Variants in PRKCE observed in about 807,000 individuals in gnomAD.
The protein encoded by PRKCE is protein kinase C epsilon, also known as protein kinase C epsilon type.
PRKCE carries 16 observed loss-of-function variants against 85.4 expected under a neutral mutation model. The ratio of observed to expected loss-of-function variants is 0.19; its 90% CI spans 0.13 to 0.28. The LOEUF is 0.28. Among genes scored for constraint, PRKCE ranks in the 10% least tolerant of loss-of-function variants. The pLI, the probability that PRKCE is intolerant of heterozygous loss-of-function variation, is 1.00. For synonymous variants in PRKCE, 388 were observed against 371.5 expected (o/e 1.04, Z -0.51); for missense variants, 573 against 975.2 (o/e 0.59, Z 5.49).
At chr2:45,657,623 A>G (rs1293826987) in intron 1 of PRKCE, among the ~76,000 whole-genome samples, 1 of 152,176 alleles carries the variant, frequency 6.6e-6, no homozygotes, top group Non-Finnish European at 1.5e-5. Flanking sequence ...CATATTCTCC[A>G]AAGTAGCTCT....
At chr2:45,719,773 A>G (rs1378761313) in intron 1 of PRKCE, among the ~76,000 whole-genome samples, 1 of 152,184 alleles carries the variant, frequency 6.6e-6, no homozygotes, top group Non-Finnish European at 1.5e-5. Context: ...TAAAATACCC[A>G]GACTGGCCAA....
At chr2:45,971,593 A>G (rs949627032) in intron 2 of PRKCE, among the ~76,000 whole-genome samples, 9 of 152,240 alleles carry the variant, frequency 5.9e-5, no homozygotes, top group Admixed American at 5.2e-4. Context: ...GTCTTAGTGT[A>G]AGTGTAAGAG....
intron 1 of PRKCE, among the ~76,000 whole-genome samples, chr2:45,751,611 G>A (rs1243382106): frequency 2.0e-5 from 3 of 151,902 alleles, no homozygotes; most frequent in Non-Finnish European, 2.9e-5. Flanking sequence ...CAAATCCTCC[G>A]CAGCTTTTAG....
In PRKCE at chr2:46,159,864, T is replaced by G. The variant is rs551899766; in HGVS notation, c.2067+112T>G. 1,283 of 1,400,874 alleles carry G rather than the reference T, an allele frequency of 9.2e-4. 1 individual carries two copies. The highest frequency in any genetic ancestry group is 1.2e-3 in the Non-Finnish European group (1,218 of 1,032,124). The allele number at this position is 1,400,874 out of a possible 1,614,324, so 86.8% of individuals were successfully genotyped here. A position where few individuals can be genotyped will look rare whatever the true frequency, so the allele number is the denominator to read the frequency against. ...CAGGGGATGCGTATTACAGTAAAAA[T>G]GACAAAGACCAGAGGTGGCTGAGGC... On this transcript the variant is annotated intron_variant, in intron 14 of 14. Transcript: ENST00000306156. This position sits in a 1 kb window ranked among gnomAD's most constrained non-coding sequence, Gnocchi z 4.1.
chr2:46,045,270 T>C (rs1708451352), intron 10 of PRKCE, among the ~76,000 whole-genome samples: 1 of 152,230 alleles, frequency 6.6e-6, no homozygotes, highest in Admixed American at 6.5e-5. Context: ...TGTGAATAAG[T>C]TGGCCATGTA....
At chr2:46,019,414 TA>T (rs1017668319) in intron 10 of PRKCE, among the ~76,000 whole-genome samples, 56 of 152,338 alleles carry the variant, frequency 3.7e-4, no homozygotes, top group African/African-American at 1.3e-3. Flanking sequence ...CACCCTGAGC[TA>T]CCAGGAGAGG....
At chr2:45,996,666 C>G (rs1435787889) in intron 6 of PRKCE, among the ~76,000 whole-genome samples, 3 of 152,066 alleles carry the variant, frequency 2.0e-5, no homozygotes, top group African/African-American at 7.2e-5. Flanking sequence ...GTTGAACCAG[C>G]CTTGCTTGCC....
At chr2:46,092,354 C>G (rs1670249048) in intron 11 of PRKCE, among the ~76,000 whole-genome samples, 1 of 152,192 alleles carries the variant, frequency 6.6e-6, no homozygotes, top group Non-Finnish European at 1.5e-5. Context: ...GCCTTTTGAT[C>G]TCTAATGAGC....
chr2:46,050,614 G>T (rs576490853), intron 10 of PRKCE, among the ~76,000 whole-genome samples: 3 of 152,092 alleles, frequency 2.0e-5, no homozygotes, highest in Non-Finnish European at 4.4e-5. Flanking sequence ...TCTGTTTCCC[G>T]CTCTGTCCTG....
chr2:45,865,272 A>G (rs1403950309), intron 2 of PRKCE, among the ~76,000 whole-genome samples: 1 of 152,180 alleles, frequency 6.6e-6, no homozygotes, highest in Non-Finnish European at 1.5e-5. Flanking sequence ...ACCTATTTTA[A>G]TCACATGAGG....
At chr2:46,135,454 A>G (rs1264639825) in intron 11 of PRKCE, among the ~76,000 whole-genome samples, 1 of 152,178 alleles carries the variant, frequency 6.6e-6, no homozygotes. Flanking sequence ...CTTTTTCCTC[A>G]TCTAGCAGGT....
intron 6 of PRKCE, among the ~76,000 whole-genome samples, chr2:45,989,109 C>T (rs954890303): frequency 6.6e-6 from 1 of 152,218 alleles, no homozygotes; most frequent in African/African-American, 2.4e-5. Context: ...CCTGACGGAG[C>T]CTGCAGTTGG....
intron 2 of PRKCE, among the ~76,000 whole-genome samples, chr2:45,884,497 A>G (rs1189106074): frequency 2.0e-5 from 3 of 152,116 alleles, no homozygotes; most frequent in African/African-American, 4.8e-5. Flanking sequence ...CTCCATTTCT[A>G]CGGAGGTAAA....
At chr2:45,801,008 A>G (rs1573409033) in intron 1 of PRKCE, among the ~76,000 whole-genome samples, 1 of 152,134 alleles carries the variant, frequency 6.6e-6, no homozygotes, top group South Asian at 2.1e-4. Flanking sequence ...GTCTCAGAAG[A>G]TGGGTAAGAA....
At chr2:46,049,601 G>A (rs970658218) in intron 10 of PRKCE, among the ~76,000 whole-genome samples, 22 of 152,158 alleles carry the variant, frequency 1.4e-4, no homozygotes, top group East Asian at 3.9e-4. Flanking sequence ...TGTAATACCC[G>A]CTGCAGGAAA....
At chr2:46,182,948 C>A (rs1680143840) in intron 14 of PRKCE, among the ~76,000 whole-genome samples, 2 of 152,202 alleles carry the variant, frequency 1.3e-5, no homozygotes, top group African/African-American at 4.8e-5. Flanking sequence ...CACACTGAAG[C>A]CCAGACATGA....
chr2:46,099,300 A>G (rs538091091), intron 11 of PRKCE, among the ~76,000 whole-genome samples: 104 of 152,094 alleles, frequency 6.8e-4, no homozygotes, highest in Non-Finnish European at 1.8e-4. Context: ...TATCTCCTCA[A>G]CAGCTTCTCC....
intron 10 of PRKCE, among the ~76,000 whole-genome samples, chr2:46,021,777 A>C (rs1043993008): frequency 2.6e-5 from 4 of 152,170 alleles, no homozygotes; most frequent in African/African-American, 9.7e-5. Flanking sequence ...GGCTGACGTC[A>C]GATTCTCTCA....
intron 1 of PRKCE, among the ~76,000 whole-genome samples, chr2:45,688,384 G>C (rs1202473590): frequency 6.6e-6 from 1 of 152,138 alleles, no homozygotes; most frequent in Non-Finnish European, 1.5e-5. Flanking sequence ...TCAAACTTTG[G>C]TTGTAAGCAC....
Sources: gnomAD v4.1 joint callset for allele counts (sites outside exome capture counted in the v4.1 genomes callset) on GRCh38, gnomAD v4.1.1 for gene constraint, Gnocchi (gnomAD v3.1) non-coding constraint, MANE v1.5 for transcripts, NCBI Gene and HGNC (gene_info 2026-07-23, HGNC 2026-07-21) for gene names.